WDR59: variants seen among roughly 807,000 people sequenced by gnomAD.
WDR59 encodes the protein WD repeat domain 59.
A neutral mutation model predicts 131.2 loss-of-function variants in WDR59; 100 were observed. That is an observed-to-expected ratio of 0.76 (90% CI 0.65 to 0.90). The LOEUF is 0.90. Ranked by LOEUF, WDR59 falls within the 40% of genes least tolerant of loss-of-function variation. The pLI is 0.00. For synonymous variants in WDR59, 601 were observed against 466.2 expected (o/e 1.29, Z -3.72); for missense variants, 1,203 against 1,262.2 (o/e 0.95, Z 0.71).
Position 74,938,191 on chromosome 16 carries a change from C to T in WDR59, c.610G>A (p.Glu204Lys), listed in dbSNP as rs761995508. ...TGACTGGAGGTAGCAAGAATGTGCT[C>T]GCTGTCTGGGTGCCAGTCCAGGCCA... ...IHGLDWHPDS[E>K]HILATSSQDN... The change falls in exon 8 of 26, where the codon GAG becomes AAG. Residue 204 changes from glutamate to lysine, a missense_variant. Physicochemically the swap from Glu to Lys is moderately conservative, Grantham distance 56. Coordinates refer to ENST00000262144, the MANE Select transcript of WDR59 (RefSeq NM_030581.4). The T allele has an allele frequency of 5.1e-6, 8 of 1,580,692 alleles. No individual in the cohort carries two copies. The highest frequency in any genetic ancestry group is 6.9e-6 in the Non-Finnish European group (8 of 1,163,568).
chr16:74,927,192 A>T (rs1285954627), intron 8 of WDR59, among the ~76,000 whole-genome samples: 1 of 152,204 alleles, frequency 6.6e-6, no homozygotes, highest in Non-Finnish European at 1.5e-5. Flanking sequence ...TTAGATTGAA[A>T]AGTTTAGATG....
At chr16:74,951,969 C>T (rs1037648191) in intron 3 of WDR59, among the ~76,000 whole-genome samples, 2 of 152,072 alleles carry the variant, frequency 1.3e-5, no homozygotes, top group African/African-American at 4.8e-5. Flanking sequence ...TGCCCAGAGT[C>T]CACCTACCAC....
In WDR59 at chr16:74,915,963, CAGG is replaced by C. The variant is rs758788809; in HGVS notation, c.1128_1130del (p.Leu377del). On this transcript the variant is annotated inframe_deletion, in exon 13 of 26. Transcript: ENST00000262144. ...CCAGTTGATCTGATTTCCTCTCTTC[CAGG>C]AGATTTCTAGGGGGATCTTCTTTTA... The C allele has an allele frequency of 2.5e-6, 4 of 1,614,164 alleles. No individual in the cohort carries two copies. Among genetic ancestry groups the C allele is most frequent in the Non-Finnish European group, 2.5e-6 (3 of 1,180,020 alleles).
chr16:74,905,546 G>A (rs1965764919), intron 17 of WDR59, among the ~76,000 whole-genome samples: 1 of 151,632 alleles, frequency 6.6e-6, no homozygotes, highest in South Asian at 2.1e-4. Context: ...GCCAGGCGTG[G>A]TGGCGGGCGC....
intron 1 of WDR59, among the ~76,000 whole-genome samples, chr16:74,980,004 ACG>A (rs1372110880): frequency 6.6e-6 from 1 of 151,278 alleles, no homozygotes; most frequent in Non-Finnish European, 1.5e-5. Flanking sequence ...ATGCACCACC[ACG>A]CCCAGCTAAT....
chr16:74,893,632 A>G (rs2144834719), intron 19 of WDR59, 47 bp downstream of exon 19: 1 of 1,551,790 alleles, frequency 6.4e-7, no homozygotes, highest in African/African-American at 1.4e-5. Flanking sequence ...AGTTTTGCTA[A>G]TCCTGGCTAA....
At chr16:74,876,862 G>C (rs1964240007) in intron 25 of WDR59, among the ~76,000 whole-genome samples, 1 of 152,224 alleles carries the variant, frequency 6.6e-6, no homozygotes, top group East Asian at 1.9e-4. Flanking sequence ...AAGGGATGTG[G>C]AATGTGTTCC....
At chr16:74,894,606 G>T (rs1965200881) in intron 18 of WDR59, among the ~76,000 whole-genome samples, 1 of 152,004 alleles carries the variant, frequency 6.6e-6, no homozygotes, top group Non-Finnish European at 1.5e-5. Flanking sequence ...GTTAAAAAGG[G>T]GGTCACCAAA....
At chr16:74,899,331 T>C (rs1965438129) in intron 18 of WDR59, among the ~76,000 whole-genome samples, 2 of 152,208 alleles carry the variant, frequency 1.3e-5, no homozygotes, top group Admixed American at 6.5e-5. Flanking sequence ...TATCTTCCTC[T>C]GCTCCCCCCA....
intron 8 of WDR59, among the ~76,000 whole-genome samples, chr16:74,926,816 C>T (rs2145027668): frequency 6.6e-6 from 1 of 152,294 alleles, no homozygotes; most frequent in Non-Finnish European, 1.5e-5. Context: ...TCATAACCTT[C>T]TGAAAAATTT....
chr16:74,918,455 A>C (rs1386540567), intron 10 of WDR59, among the ~76,000 whole-genome samples: 1 of 152,264 alleles, frequency 6.6e-6, no homozygotes, highest in Non-Finnish European at 1.5e-5. Context: ...GAAGAGCTGG[A>C]GATGAACATA....
rs555152103 is a variant in WDR59 at position 74,956,200 on chromosome 16, T to C, written c.240+275A>G. 2.6e-5 allele frequency among the ~76,000 whole-genome samples: 4 copies of C among 152,264 alleles called. No individual in the cohort carries two copies. The South Asian group carries it at 8.3e-4, about 32-fold the overall frequency. ...TTACATTGCTGCTGATGAAACAGGT[T>C]CTCACCACTCACAGAAATGGATGCA... On this transcript the variant is annotated intron_variant, in intron 3 of 25. Transcript: ENST00000262144.
chr16:74,985,052 G>A lies in WDR59; in HGVS notation c.-35C>T, dbSNP rs2034571452. 2 of 1,547,758 alleles carry A rather than the reference G, an allele frequency of 1.3e-6. No individual in the cohort carries two copies. Among genetic ancestry groups the A allele is most frequent in the Non-Finnish European group, 1.7e-6 (2 of 1,143,020 alleles). ...CCGGCCGCCGCGGCCCCAGGACGGC[G>A]CCCTCCCACCCCGCCGTCCCCAGTA... is the stretch of plus-strand genomic sequence containing the variant. On this transcript the variant is annotated 5_prime_UTR_variant, in exon 1 of 26. Coordinates refer to ENST00000262144, the MANE Select transcript of WDR59 (RefSeq NM_030581.4).
chr16:74,973,865 G>T (rs570324580), intron 1 of WDR59, among the ~76,000 whole-genome samples: 1 of 151,808 alleles, frequency 6.6e-6, no homozygotes, highest in Admixed American at 6.6e-5. Context: ...GTGATACCCT[G>T]TCTCTACTAA....
intron 3 of WDR59, among the ~76,000 whole-genome samples, chr16:74,952,101 T>C (rs10221093): frequency 0.23 from 35,348 of 151,110 alleles, 4,781 homozygotes; most frequent in East Asian, 0.55. Flanking sequence ...AGGTGTGAGG[T>C]GTGAGGACTG....
At chr16:74,883,058 T>A (rs1313774229) in intron 25 of WDR59, among the ~76,000 whole-genome samples, 4 of 131,146 alleles carry the variant, frequency 3.1e-5, no homozygotes, top group East Asian at 2.6e-4. Context: ...AGAGTCTCAC[T>A]CTGTCACCAA....
At chr16:74,958,459 G>T (rs1456621979) in intron 2 of WDR59, among the ~76,000 whole-genome samples, 1 of 150,986 alleles carries the variant, frequency 6.6e-6, no homozygotes, top group East Asian at 1.9e-4. Flanking sequence ...AAACATTGGT[G>T]GCAGGCACCT....
intron 8 of WDR59, among the ~76,000 whole-genome samples, chr16:74,933,278 G>A (rs1049652155): frequency 1.3e-5 from 2 of 152,192 alleles, no homozygotes; most frequent in African/African-American, 4.8e-5. Flanking sequence ...GTGCAGCCTG[G>A]GTGACACAGT....
intron 20 of WDR59, among the ~76,000 whole-genome samples, chr16:74,891,529 A>G (rs533002680): frequency 2.6e-5 from 4 of 152,230 alleles, no homozygotes; most frequent in Non-Finnish European, 5.9e-5. Flanking sequence ...TTCCTCACTG[A>G]TAATACACAT....
Sources: gnomAD v4.1 joint callset for allele counts (sites outside exome capture counted in the v4.1 genomes callset) on GRCh38, gnomAD v4.1.1 for gene constraint, MANE v1.5 for transcripts, NCBI Gene and HGNC (gene_info 2026-07-23, HGNC 2026-07-21) for gene names.